ZBTB34: variants seen among roughly 807,000 people sequenced by gnomAD.
ZBTB34 encodes zinc finger and BTB domain containing 34.
Under a neutral mutation model 33.4 loss-of-function variants are expected in ZBTB34, and 1 was observed. That is an observed-to-expected ratio of 0.03 (90% CI 0.01 to 0.14). The LOEUF (loss-of-function observed/expected upper bound fraction) is 0.14. Ranked by LOEUF, ZBTB34 falls within the 10% of genes least tolerant of loss-of-function variation. ZBTB34 has a pLI of 1.00. For synonymous variants in ZBTB34, 283 were observed against 253.5 expected (o/e 1.12, Z -1.11); for missense variants, 406 against 657.2 (o/e 0.62, Z 4.18).
chr9:126,871,790 C>A (rs2033283262), intron 1 of ZBTB34, among the ~76,000 whole-genome samples: 1 of 151,956 alleles, frequency 6.6e-6, no homozygotes, highest in Non-Finnish European at 1.5e-5. Flanking sequence ...GAAGTTCTAC[C>A]ATATGCATAT....
chr9:126,872,821 A>C (rs745341121), intron 1 of ZBTB34, among the ~76,000 whole-genome samples: 2 of 152,188 alleles, frequency 1.3e-5, no homozygotes, highest in Non-Finnish European at 2.9e-5. Flanking sequence ...AGGAAGTGTT[A>C]ATGTAAGGGA....
chr9:126,881,821 A>T (rs992471622), exon 2 of ZBTB34: 1 of 167,028 alleles, frequency 6.0e-6, no homozygotes, highest in African/African-American at 2.4e-5. Context: ...ATCTACCTTC[A>T]TTCCGTACTG....
chr9:126,879,050 C>T lies in ZBTB34; in HGVS notation c.-10-340C>T, dbSNP rs866091478. Among the ~76,000 whole-genome samples, 2 of 152,104 alleles carry T rather than the reference C, an allele frequency of 1.3e-5. No homozygotes were observed. The highest frequency in any genetic ancestry group is 4.1e-4 in the South Asian group (2 of 4,824). ...GAATTTAGTTATTTTTCACAAAGTACTTCAAACCCTCAAAAGTACTTGAAA... is the reference window on the plus strand; with the variant it reads ...GAATTTAGTTATTTTTCACAAAGTATTTCAAACCCTCAAAAGTACTTGAAA... On this transcript the variant is annotated intron_variant, in intron 1 of 1. Transcript: ENST00000319119. This position sits in a 1 kb window ranked among gnomAD's most constrained non-coding sequence, Gnocchi z 6.4.
At chr9:126,876,846 G>A (rs146692088) in intron 1 of ZBTB34, among the ~76,000 whole-genome samples, 1 of 152,224 alleles carries the variant, frequency 6.6e-6, no homozygotes, top group Admixed American at 6.5e-5. Flanking sequence ...ATAAATAAGG[G>A]CACAGTATTC....
chr9:126,874,021 T>A (rs2033317805), intron 1 of ZBTB34, among the ~76,000 whole-genome samples: 1 of 150,534 alleles, frequency 6.6e-6, no homozygotes, highest in Admixed American at 6.6e-5. Flanking sequence ...TGTGAGAGAC[T>A]CTGCTGTGTA....
exon 2 of ZBTB34, chr9:126,884,027 C>A (rs2033483578): frequency 6.0e-6 from 1 of 167,064 alleles, no homozygotes; most frequent in South Asian, 2.1e-4. Context: ...GTCCCTATTT[C>A]TGTACAGTTT....
In ZBTB34 at chr9:126,874,187, G is replaced by A. The variant is rs557576073; in HGVS notation, c.-10-5203G>A. Among the ~76,000 whole-genome samples, 885 of 149,566 alleles carry A rather than the reference G, an allele frequency of 5.9e-3. 6 individuals are homozygous for A. Among genetic ancestry groups the A allele is most frequent in the Non-Finnish European group, 7.7e-3 (517 of 67,248 alleles). On this transcript the variant is annotated intron_variant, in intron 1 of 1. Transcript: ENST00000319119. ...CTCCCGAGTAGCTGGGACTACAGGC[G>A]CCCGCCACCATGCCCGGCTAATTTT...
At chr9:126,866,509 G>A (rs2033203811) in intron 1 of ZBTB34, among the ~76,000 whole-genome samples, 1 of 152,090 alleles carries the variant, frequency 6.6e-6, no homozygotes, top group Non-Finnish European at 1.5e-5. Context: ...CCTTCTGTCT[G>A]GAGTGTTCTT....
At chr9:126,871,731 T>G (rs1297139192) in intron 1 of ZBTB34, among the ~76,000 whole-genome samples, 2 of 152,140 alleles carry the variant, frequency 1.3e-5, no homozygotes, top group African/African-American at 4.8e-5. Flanking sequence ...GTGATTATCT[T>G]TGGGAAGAGG....
At position 126,879,901 on chromosome 9, in the gene ZBTB34, T is replaced by G; in HGVS notation, c.502T>G (p.Ser168Ala). Residue 168 changes from serine to alanine, a missense_variant, in exon 2 of 2, where the codon TCT becomes GCT. Transcript: ENST00000319119. The surrounding 1 kb of genome is among the most constrained non-coding windows in gnomAD (Gnocchi z 6.4). Reference sequence around the variant, plus strand: ...CTTCTTTGCCAACCCAGTGGAGATCTCTCCTCCATATTGCTCTCAGGGACG... The same window carrying G: ...CTTCTTTGCCAACCCAGTGGAGATCGCTCCTCCATATTGCTCTCAGGGACG... 1 of 1,612,968 alleles carries G rather than the reference T, an allele frequency of 6.2e-7. No individual in the cohort carries two copies. The highest frequency in any genetic ancestry group is 8.5e-7 in the Non-Finnish European group (1 of 1,179,882).
intron 1 of ZBTB34, among the ~76,000 whole-genome samples, chr9:126,876,139 C>CTT (rs35897421): frequency 3.0e-5 from 2 of 65,980 alleles, no homozygotes; most frequent in Non-Finnish European, 2.8e-5. Context: ...ATCATGTTTC[C>CTT]TTTTTTTTTT....
At chr9:126,871,569 A>C (rs1474310648) in intron 1 of ZBTB34, among the ~76,000 whole-genome samples, 3 of 151,914 alleles carry the variant, frequency 2.0e-5, no homozygotes, top group Non-Finnish European at 2.9e-5. Context: ...TGACCATGTG[A>C]TCTGCCCACC....
chr9:126,861,880 A>G (rs1455506149), intron 1 of ZBTB34, among the ~76,000 whole-genome samples: 2 of 152,058 alleles, frequency 1.3e-5, no homozygotes, highest in South Asian at 2.1e-4. Flanking sequence ...TCCTTCCTTT[A>G]TGCTAAAGCC....
chr9:126,862,557 C>T (rs911106729), intron 1 of ZBTB34, among the ~76,000 whole-genome samples: 1 of 152,310 alleles, frequency 6.6e-6, no homozygotes, highest in East Asian at 1.9e-4. Context: ...GTTACGGCTT[C>T]TTGGGTTTTG....
rs546177323 is a variant in ZBTB34 at position 126,878,339 on chromosome 9, G to T, written c.-10-1051G>T. On this transcript the variant is annotated intron_variant, in intron 1 of 1. Coordinates refer to ENST00000319119, the Ensembl canonical transcript of ZBTB34. ...ACAAAAATTAACTGGGCATGGTAGC[G>T]CATGCCTGTAATCCCAGCTATTCAG... 1.0e-3 allele frequency among the ~76,000 whole-genome samples: 157 copies of T among 151,844 alleles called. 2 individuals carry two copies. Among genetic ancestry groups the T allele is most frequent in the African/African-American group, 3.7e-3 (155 of 41,434 alleles).
intron 1 of ZBTB34, among the ~76,000 whole-genome samples, chr9:126,878,199 G>A (rs1008772266): frequency 2.0e-5 from 3 of 151,464 alleles, no homozygotes; most frequent in Non-Finnish European, 4.4e-5. Context: ...GGCCGGTGTG[G>A]TGACTCTTGC....
At chr9:126,883,720 A>AAC (rs1345185303) in exon 2 of ZBTB34, 4 of 167,200 alleles carry the variant, frequency 2.4e-5, no homozygotes, top group Non-Finnish European at 5.9e-5. Flanking sequence ...CTCAAGCCAT[A>AAC]ACACAGTACT....
At chr9:126,867,651 G>T (rs541544238) in intron 1 of ZBTB34, among the ~76,000 whole-genome samples, 2 of 150,936 alleles carry the variant, frequency 1.3e-5, no homozygotes, top group African/African-American at 4.9e-5. Flanking sequence ...GTACTTTTAC[G>T]TTGTCGAATG....
exon 2 of ZBTB34, chr9:126,885,154 C>G (rs1189268792): frequency 1.2e-5 from 2 of 167,016 alleles, no homozygotes; most frequent in Non-Finnish European, 2.9e-5. Context: ...GCGTCTTTTT[C>G]AGTAAGTGCC....
Sources: allele counts gnomAD v4.1 joint callset (sites outside exome capture counted in the v4.1 genomes callset), GRCh38; gene constraint gnomAD v4.1.1; non-coding constraint Gnocchi (gnomAD v3.1); transcripts MANE v1.5; gene names NCBI Gene and HGNC (gene_info 2026-07-23, HGNC 2026-07-21).